XKR6: variants seen among roughly 807,000 people sequenced by gnomAD.
XKR6 encodes XK-related protein 6.
A neutral mutation model predicts 56.7 loss-of-function variants in XKR6; 22 were observed. The observed-to-expected ratio is 0.39, with a 90% CI of 0.28 to 0.55. XKR6 has a LOEUF of 0.55. Ranked by LOEUF, XKR6 falls within the 20% of genes least tolerant of loss-of-function variation. The probability of loss-of-function intolerance (pLI) is 0.66; values close to 1 mark genes in which losing one functional copy is unlikely to be tolerated. For missense variants in XKR6, 852 were observed against 889.0 expected, an observed-to-expected ratio of 0.96 and a Z score of 0.53; for synonymous variants, 524 against 387.8, an observed-to-expected ratio of 1.35 and a Z score of -4.13.
chr8:10,951,853 CA>C (rs1178155393), intron 1 of XKR6, among the ~76,000 whole-genome samples: 3 of 152,062 alleles, frequency 2.0e-5, no homozygotes. Flanking sequence ...AAGGAGGGGG[CA>C]GGGGTGGGAG....
chr8:10,926,944 T>C (rs1012461293), intron 1 of XKR6, among the ~76,000 whole-genome samples: 11 of 151,718 alleles, frequency 7.3e-5, no homozygotes, highest in Admixed American at 2.6e-4. Context: ...GGCAGAGACA[T>C]AGAGATAGAC....
intron 1 of XKR6, among the ~76,000 whole-genome samples, chr8:10,957,833 A>G (rs1436194554): frequency 1.3e-5 from 2 of 152,224 alleles, no homozygotes; most frequent in Non-Finnish European, 2.9e-5. Flanking sequence ...TTGGGTCCAG[A>G]AACTTGAACT....
rs34248780 is a variant in XKR6 at position 10,954,866 on chromosome 8, C to CTTTTTTTTTTTTTTTTTTTTTT, written c.765-30037_765-30036insAAAAAAAAAAAAAAAAAAAAAA. Among the ~76,000 whole-genome samples the CTTTTTTTTTTTTTTTTTTTTTT allele has an allele frequency of 9.4e-4, 87 of 92,784 alleles. 11 individuals are homozygous for CTTTTTTTTTTTTTTTTTTTTTT. The highest frequency in any genetic ancestry group is 1.4e-3 in the Non-Finnish European group (63 of 45,936). The allele number at this position is 92,784 out of a possible 152,430, so 60.9% of individuals were successfully genotyped here. A position where few individuals can be genotyped will look rare whatever the true frequency, so the allele number is the denominator to read the frequency against. On this transcript the variant is annotated intron_variant, in intron 1 of 2. Transcript: ENST00000416569. ...TAAGGTAAGGGTCTAACTTCATTCT[C>CTTTTTTTTTTTTTTTTTTTTTT]TTTTTTTTTTTTTTTTTTTTAGACA...
At chr8:11,106,847 T>A (rs557729751) in intron 1 of XKR6, 1 of 34,710 alleles carries the variant, frequency 2.9e-5, no homozygotes, top group Non-Finnish European at 6.0e-5. Context: ...TGAGACTTCA[T>A]CTCAAAAAAA....
chr8:11,045,998 G>A (rs535635118), intron 1 of XKR6, among the ~76,000 whole-genome samples: 3 of 152,234 alleles, frequency 2.0e-5, no homozygotes, highest in African/African-American at 7.2e-5. Context: ...AGAATGTAAA[G>A]TGGTGCAGCT....
intron 1 of XKR6, among the ~76,000 whole-genome samples, chr8:11,163,049 T>C (rs1801898778): frequency 6.6e-6 from 1 of 152,226 alleles, no homozygotes; most frequent in South Asian, 2.1e-4. Flanking sequence ...TGGTTCTACT[T>C]GTACAGGAAA....
chr8:11,129,320 C>G (rs1321034595), intron 1 of XKR6, among the ~76,000 whole-genome samples: 1 of 152,170 alleles, frequency 6.6e-6, no homozygotes, highest in East Asian at 1.9e-4. Flanking sequence ...ATGTAAAAAG[C>G]TAAAAGTTTT....
chr8:11,088,510 G>A (rs574753405), intron 1 of XKR6, among the ~76,000 whole-genome samples: 1 of 152,260 alleles, frequency 6.6e-6, no homozygotes, highest in South Asian at 2.1e-4. Flanking sequence ...TGAAGTACAC[G>A]CTGGAATCTA....
intron 1 of XKR6, among the ~76,000 whole-genome samples, chr8:11,024,217 G>A (rs1480916122): frequency 1.3e-4 from 9 of 71,878 alleles, no homozygotes; most frequent in African/African-American, 6.3e-4. Flanking sequence ...GTGTGTGTGT[G>A]TGTGTGTGTG....
chr8:10,942,122 C>G (rs1801401534), intron 1 of XKR6, among the ~76,000 whole-genome samples: 2 of 152,242 alleles, frequency 1.3e-5, no homozygotes, highest in South Asian at 2.1e-4. Context: ...ATACACACAA[C>G]CGCACCCATA....
intron 1 of XKR6, among the ~76,000 whole-genome samples, chr8:11,123,119 G>C (rs9657546): frequency 0.15 from 23,423 of 151,622 alleles, 4,969 homozygotes; most frequent in African/African-American, 0.48. Flanking sequence ...CACCTGCAAT[G>C]CCAGCTACTC....
At chr8:11,026,962 T>TTAGATGG (rs1563354256) in intron 1 of XKR6, among the ~76,000 whole-genome samples, 1 of 145,082 alleles carries the variant, frequency 6.9e-6, no homozygotes, top group Non-Finnish European at 1.5e-5. Flanking sequence ...TACTACACAC[T>TTAGATGG]TCGATGGTGT....
intron 1 of XKR6, chr8:11,108,639 C>T (rs1447466854): frequency 3.4e-6 from 1 of 296,672 alleles, no homozygotes; most frequent in East Asian, 1.0e-4. Context: ...CATTAGGAAG[C>T]TCTTGCCATG....
chr8:10,976,679 A>C (rs1802572527), intron 1 of XKR6, among the ~76,000 whole-genome samples: 1 of 152,056 alleles, frequency 6.6e-6, no homozygotes, highest in Non-Finnish European at 1.5e-5. Context: ...ACTGTGTCTC[A>C]TTTCTGGATG....
intron 1 of XKR6, among the ~76,000 whole-genome samples, chr8:10,995,088 T>G (rs1440882086): frequency 1.3e-5 from 2 of 152,150 alleles, no homozygotes; most frequent in East Asian, 1.9e-4. Context: ...TCAGGCTAGG[T>G]CAACATTGCA....
chr8:11,196,630 C>T (rs1342534843), intron 1 of XKR6, among the ~76,000 whole-genome samples: 2 of 152,242 alleles, frequency 1.3e-5, no homozygotes, highest in African/African-American at 4.8e-5. Context: ...TTATTAAGAA[C>T]ACAAATCTAA....
intron 1 of XKR6, among the ~76,000 whole-genome samples, chr8:11,055,778 G>A (rs1274351628): frequency 6.6e-6 from 1 of 151,922 alleles, no homozygotes; most frequent in Non-Finnish European, 1.5e-5. Context: ...GCAGCACAGC[G>A]GGCCCCGAAG....
chr8:11,045,882 G>T (rs1799399633), intron 1 of XKR6, among the ~76,000 whole-genome samples: 2 of 152,180 alleles, frequency 1.3e-5, no homozygotes, highest in Non-Finnish European at 2.9e-5. Flanking sequence ...AAAGAAAAGA[G>T]ACAATAGCCA....
At chr8:11,110,397 G>C (rs1220550829) in intron 1 of XKR6, among the ~76,000 whole-genome samples, 6 of 152,156 alleles carry the variant, frequency 3.9e-5, no homozygotes, top group African/African-American at 7.2e-5. Context: ...GCTTCCAAAA[G>C]CCATCTAATA....
Sources: gnomAD v4.1 joint callset for allele counts (sites outside exome capture counted in the v4.1 genomes callset) on GRCh38, gnomAD v4.1.1 for gene constraint, MANE v1.5 for transcripts, NCBI Gene and HGNC (gene_info 2026-07-23, HGNC 2026-07-21) for gene names.